Variants in CARMIL1 observed in about 807,000 individuals in gnomAD.
The protein encoded by CARMIL1 is capping protein regulator and myosin 1 linker 1, also known as F-actin-uncapping protein LRRC16A.
In CARMIL1, 90 loss-of-function variants were observed where a neutral mutation model predicts 177.1. That is an observed-to-expected ratio of 0.51 (90% CI 0.43 to 0.61). The LOEUF (loss-of-function observed/expected upper bound fraction) is 0.61, where lower values mean the gene tolerates loss of function less well. Among genes scored for constraint, CARMIL1 ranks in the 20% least tolerant of loss-of-function variants. CARMIL1 has a pLI of 0.00. For missense variants in CARMIL1, 1,380 were observed against 1,667.0 expected, an observed-to-expected ratio of 0.83 and a Z score of 3.00; for synonymous variants, 577 against 606.2, an observed-to-expected ratio of 0.95 and a Z score of 0.71.
chr6:25,420,598 A>G (rs1180141700), intron 3 of CARMIL1, among the ~76,000 whole-genome samples: 1 of 152,126 alleles, frequency 6.6e-6, no homozygotes, highest in Non-Finnish European at 1.5e-5. Context: ...CTAAGACTTC[A>G]GACATGTGGG....
intron 31 of CARMIL1, among the ~76,000 whole-genome samples, 166 bp from the exon 32 acceptor site, chr6:25,594,249 G>A (rs1471783238): frequency 6.6e-6 from 1 of 152,166 alleles, no homozygotes; most frequent in African/African-American, 2.4e-5. Context: ...CTTCTTGTCT[G>A]TGTTATGATT....
At chr6:25,489,263 T>C (rs1028853209) in intron 13 of CARMIL1, among the ~76,000 whole-genome samples, 8 of 152,182 alleles carry the variant, frequency 5.3e-5, no homozygotes, top group Admixed American at 3.3e-4. Flanking sequence ...TTTCTCATTA[T>C]TATTATTGTT....
chr6:25,402,621 G>C (rs1581817758), intron 2 of CARMIL1, among the ~76,000 whole-genome samples: 1 of 152,168 alleles, frequency 6.6e-6, no homozygotes, highest in East Asian at 1.9e-4. Context: ...AGAGCTGTAT[G>C]GTCCAGTATG....
chr6:25,412,717 G>C (rs1382898392), intron 2 of CARMIL1, among the ~76,000 whole-genome samples: 4 of 152,084 alleles, frequency 2.6e-5, no homozygotes, highest in African/African-American at 7.2e-5. Flanking sequence ...TAGACCAGGG[G>C]TCAGTAACCA....
chr6:25,611,274 T>C (rs1816486330), intron 36 of CARMIL1, among the ~76,000 whole-genome samples: 2 of 152,238 alleles, frequency 1.3e-5, no homozygotes, highest in African/African-American at 4.8e-5. Flanking sequence ...CCAAAGCTGC[T>C]AAACCACTTC....
chr6:25,471,009 G>T (rs146811326), intron 9 of CARMIL1, among the ~76,000 whole-genome samples, 160 bp from the exon 10 acceptor site: 5 of 152,238 alleles, frequency 3.3e-5, no homozygotes, highest in African/African-American at 1.2e-4. Flanking sequence ...GTATTTCCAG[G>T]ATCTTCATCA....
At chr6:25,291,618 TGG>T (rs1275651229) in intron 2 of CARMIL1, among the ~76,000 whole-genome samples, 1 of 152,174 alleles carries the variant, frequency 6.6e-6, no homozygotes, top group East Asian at 1.9e-4. Context: ...CCTTGGCCAG[TGG>T]TTTTCAGACT....
chr6:25,587,372 C>T (rs1813859925), intron 31 of CARMIL1, among the ~76,000 whole-genome samples: 1 of 152,146 alleles, frequency 6.6e-6, no homozygotes, highest in Non-Finnish European at 1.5e-5. Context: ...AGCCAGTGGG[C>T]TCTTCCACTC....
intron 2 of CARMIL1, among the ~76,000 whole-genome samples, chr6:25,296,554 C>A (rs983777780): frequency 6.6e-6 from 1 of 152,172 alleles, no homozygotes; most frequent in East Asian, 1.9e-4. Context: ...CGCCCAGATG[C>A]GGGGAAGTGA....
chr6:25,531,172 A>G (rs942141282), intron 24 of CARMIL1, among the ~76,000 whole-genome samples: 2 of 152,246 alleles, frequency 1.3e-5, no homozygotes, highest in Admixed American at 1.3e-4. Flanking sequence ...GGAAGCCACC[A>G]GAGGAATTAA....
At chr6:25,332,194 C>T (rs549461347) in intron 2 of CARMIL1, among the ~76,000 whole-genome samples, 23 of 152,228 alleles carry the variant, frequency 1.5e-4, no homozygotes, top group Non-Finnish European at 2.8e-4. Flanking sequence ...AAAGATAGGT[C>T]ATAATAGTCA....
chr6:25,424,020 A>G (rs1454227940), intron 3 of CARMIL1, among the ~76,000 whole-genome samples: 2 of 152,042 alleles, frequency 1.3e-5, no homozygotes, highest in African/African-American at 2.4e-5. Flanking sequence ...ATAGCCATAG[A>G]TGAGATAGGA....
intron 17 of CARMIL1, among the ~76,000 whole-genome samples, chr6:25,508,284 C>G (rs1355591028): frequency 6.6e-6 from 1 of 152,168 alleles, no homozygotes; most frequent in Non-Finnish European, 1.5e-5. Flanking sequence ...AGGTTAGAAG[C>G]CCTTCAGCTG....
At chr6:25,494,818 A>G (rs1803543466) in intron 15 of CARMIL1, among the ~76,000 whole-genome samples, 1 of 152,238 alleles carries the variant, frequency 6.6e-6, no homozygotes, top group African/African-American at 2.4e-5. Flanking sequence ...TCCTATTTTT[A>G]AAAATTCCAA....
chr6:25,402,013 A>G (rs186973631), intron 2 of CARMIL1, among the ~76,000 whole-genome samples: 11 of 151,148 alleles, frequency 7.3e-5, no homozygotes, highest in Admixed American at 6.6e-4. Context: ...TTCATTTTCA[A>G]TTAATTTCCC....
Position 25,491,989 on chromosome 6 carries a change from T to A in CARMIL1, c.1185T>A (p.Ala395=). The change falls in exon 15 of 37, where the codon GCT becomes GCA. Residue 395 remains alanine (A), a synonymous_variant. Coordinates refer to ENST00000329474, the MANE Select transcript of CARMIL1 (RefSeq NM_017640.6). ...ALLRGCLQYL[A]VLNLSRTVFS... ...TCCGTGGATGCCTTCAATATTTAGC[T>A]GTGCTCAACCTCTCCAGAACTGTCT... The A allele has an allele frequency of 6.2e-7, 1 of 1,613,854 alleles. No individual in the cohort carries two copies. The highest frequency in any genetic ancestry group is 8.5e-7 in the Non-Finnish European group (1 of 1,179,808).
chr6:25,492,965 A>C (rs548829236), intron 15 of CARMIL1, among the ~76,000 whole-genome samples: 1 of 152,192 alleles, frequency 6.6e-6, no homozygotes, highest in African/African-American at 2.4e-5. Flanking sequence ...GTCTGAAAAT[A>C]TAATGGTGGG....
At chr6:25,414,698 G>A (rs1795217057) in intron 2 of CARMIL1, among the ~76,000 whole-genome samples, 1 of 152,078 alleles carries the variant, frequency 6.6e-6, no homozygotes, top group Admixed American at 6.5e-5. Flanking sequence ...TTAAAATATT[G>A]CTGCCCTGTT....
chr6:25,315,472 A>G (rs540097442), intron 2 of CARMIL1, among the ~76,000 whole-genome samples: 17 of 152,316 alleles, frequency 1.1e-4, no homozygotes, highest in African/African-American at 4.1e-4. Flanking sequence ...ATGCCCACAC[A>G]TGGCGGCAGG....
Sources: gnomAD v4.1 joint callset for allele counts (sites outside exome capture counted in the v4.1 genomes callset) on GRCh38, gnomAD v4.1.1 for gene constraint, MANE v1.5 for transcripts, NCBI Gene and HGNC (gene_info 2026-07-23, HGNC 2026-07-21) for gene names.